The following IL1RAPL1 variants were observed in gnomAD, a reference collection of about 807,000 sequenced individuals.
The protein encoded by IL1RAPL1 is interleukin 1 receptor accessory protein like 1.
A neutral mutation model predicts 48.4 loss-of-function variants in IL1RAPL1; 3 were observed. The observed-to-expected ratio is 0.06, with a 90% confidence interval of 0.03 to 0.16. The LOEUF is 0.16. Among genes scored for constraint, IL1RAPL1 ranks in the 10% least tolerant of loss-of-function variants. The pLI is 1.00. For synonymous variants in IL1RAPL1, 185 were observed against 187.7 expected, an observed-to-expected ratio of 0.99 and a Z score of 0.12; for missense variants, 349 against 530.6, an observed-to-expected ratio of 0.66 and a Z score of 3.36.
chrX:29,818,998 A>C (rs2147182034), intron 6 of IL1RAPL1, among the ~76,000 whole-genome samples: 1 of 111,847 alleles, frequency 8.9e-6, no homozygotes, highest in East Asian at 2.8e-4. Flanking sequence ...CACAACTCAT[A>C]TCTGAACCAA....
intron 2 of IL1RAPL1, among the ~76,000 whole-genome samples, chrX:28,934,252 C>T (rs996842897): frequency 5.4e-5 from 6 of 111,308 alleles, no homozygotes; most frequent in Middle Eastern, 4.6e-3. Context: ...AAATTCATCA[C>T]CAAGTTACTT....
Position 29,551,940 on chromosome X carries a change from T to C in IL1RAPL1, c.704-116490T>C, listed in dbSNP as rs934879037. Among the ~76,000 whole-genome samples the C allele has an allele frequency of 6.3e-5, 7 of 111,372 alleles. No homozygotes were observed. The Admixed American group carries it at 6.7e-4, about 11-fold the overall frequency. The stretch of plus-strand genomic sequence containing the variant: ...CTGAGTTTCATTAACTTAACACATA[T>C]TGCAGGAAGAAAGACAAGTCTGTCA... On this transcript the variant is annotated intron_variant, in intron 5 of 10. Transcript: ENST00000378993.
chrX:28,984,872 C>T (rs772427364), intron 2 of IL1RAPL1, among the ~76,000 whole-genome samples: 6 of 111,777 alleles, frequency 5.4e-5, no homozygotes, highest in African/African-American at 9.8e-5. Context: ...ATTTCTAATA[C>T]GAATTTCATG....
intron 2 of IL1RAPL1, among the ~76,000 whole-genome samples, chrX:29,237,550 GTT>G (rs751421710): frequency 1.8e-5 from 2 of 112,703 alleles, no homozygotes; most frequent in East Asian, 5.6e-4. Flanking sequence ...TATTCCATGT[GTT>G]TGAATTGCAT....
At chrX:28,700,803 G>A (rs1164155838) in intron 1 of IL1RAPL1, among the ~76,000 whole-genome samples, 1 of 110,923 alleles carries the variant, frequency 9.0e-6, no homozygotes, top group Non-Finnish European at 1.9e-5. Context: ...AACATGCGGT[G>A]TTTGATTTTC....
chrX:28,706,811 A>G (rs1935379321), intron 1 of IL1RAPL1, among the ~76,000 whole-genome samples: 1 of 112,149 alleles, frequency 8.9e-6, no homozygotes. Flanking sequence ...CCAAATGGGC[A>G]TGAAGTATCT....
intron 2 of IL1RAPL1, among the ~76,000 whole-genome samples, chrX:29,213,932 A>G (rs996509863): frequency 9.0e-6 from 1 of 111,705 alleles, no homozygotes; most frequent in Admixed American, 9.6e-5. Flanking sequence ...CAACAGGAAT[A>G]GAAGCTCCAT....
intron 3 of IL1RAPL1, among the ~76,000 whole-genome samples, chrX:29,347,529 C>G (rs779379508): frequency 1.9e-5 from 2 of 107,843 alleles, no homozygotes; most frequent in Non-Finnish European, 3.8e-5. Context: ...GCTGGGACCA[C>G]AGGCACATGT....
chrX:29,797,126 G>GT (rs1477786471), intron 6 of IL1RAPL1, among the ~76,000 whole-genome samples: 4 of 112,467 alleles, frequency 3.6e-5, no homozygotes, highest in Admixed American at 9.4e-5. Flanking sequence ...AAAGTTTCTT[G>GT]TTTATTTAGT....
chrX:29,069,434 A>G (rs1927515443), intron 2 of IL1RAPL1, among the ~76,000 whole-genome samples: 1 of 111,618 alleles, frequency 9.0e-6, no homozygotes, highest in Non-Finnish European at 1.9e-5. Context: ...GGAAAAATAC[A>G]TAAGTGCATA....
At chrX:29,288,358 T>C (rs1932317200) in intron 3 of IL1RAPL1, among the ~76,000 whole-genome samples, 1 of 110,883 alleles carries the variant, frequency 9.0e-6, no homozygotes, top group Non-Finnish European at 1.9e-5. Context: ...CCCCTCCCTA[T>C]GTTCATGTGT....
At chrX:28,967,499 A>G (rs1256480794) in intron 2 of IL1RAPL1, among the ~76,000 whole-genome samples, 2 of 111,357 alleles carry the variant, frequency 1.8e-5, no homozygotes, top group South Asian at 7.6e-4. Context: ...CTTTCAATAC[A>G]TAACAAATTT....
intron 2 of IL1RAPL1, among the ~76,000 whole-genome samples, chrX:28,916,939 G>C (rs1923502722): frequency 8.9e-6 from 1 of 112,003 alleles, no homozygotes; most frequent in Admixed American, 9.5e-5. Flanking sequence ...CCAATGTAAT[G>C]ACTGTGTCTT....
At chrX:29,405,360 CTTTA>C (rs1556006051) in intron 5 of IL1RAPL1, among the ~76,000 whole-genome samples, 1 of 99,470 alleles carries the variant, frequency 1.0e-5, no homozygotes, top group Non-Finnish European at 1.9e-5. Context: ...TCTCTGTGTT[CTTTA>C]TTTATTTATT....
chrX:29,337,561 A>G (rs754836571), intron 3 of IL1RAPL1, among the ~76,000 whole-genome samples: 101 of 112,076 alleles, frequency 9.0e-4, no homozygotes, highest in African/African-American at 3.0e-3. Flanking sequence ...GTTAACTTCA[A>G]TGTCCCCATC....
chrX:29,792,442 T>C lies in IL1RAPL1; in HGVS notation c.778+123938T>C, dbSNP rs149752001. Among the ~76,000 whole-genome samples, 745 of 112,140 alleles carry C rather than the reference T, an allele frequency of 6.6e-3. 9 individuals are homozygous for C. Among genetic ancestry groups the C allele is most frequent in the African/African-American group, 0.023 (698 of 30,860 alleles). On this transcript the variant is annotated intron_variant, in intron 6 of 10. Coordinates refer to ENST00000378993, the MANE Select transcript of IL1RAPL1 (RefSeq NM_014271.4). ...CACAGTGTTGGCAGGGTTGGCTTCT[T>C]CTGACTGCTGTCCTCATTAGAATTT...
chrX:28,768,755 C>CTCTCTCTCTCTCTATATATATA (rs1364972830), intron 1 of IL1RAPL1, among the ~76,000 whole-genome samples: 1 of 34,890 alleles, frequency 2.9e-5, no homozygotes, highest in Non-Finnish European at 4.8e-5. Flanking sequence ...CTCTCTCTCT[C>CTCTCTCTCTCTCTATATATATA]TATATATATA....
At chrX:29,818,460 C>T (rs1362853507) in intron 6 of IL1RAPL1, among the ~76,000 whole-genome samples, 3 of 112,676 alleles carry the variant, frequency 2.7e-5, no homozygotes. Context: ...TTTTTGATTT[C>T]ACAGCCTCTC....
chrX:29,011,966 A>C (rs1926132453), intron 2 of IL1RAPL1, among the ~76,000 whole-genome samples: 1 of 112,331 alleles, frequency 8.9e-6, no homozygotes, highest in Admixed American at 9.5e-5. Context: ...CCTATAATCT[A>C]TAAAAGTTAT....
Sources: gnomAD v4.1 joint callset for allele counts (sites outside exome capture counted in the v4.1 genomes callset) on GRCh38, gnomAD v4.1.1 for gene constraint, MANE v1.5 for transcripts, NCBI Gene and HGNC (gene_info 2026-07-23, HGNC 2026-07-21) for gene names.